The following SHISA6 variants were observed in gnomAD, a reference collection of about 807,000 sequenced individuals.
SHISA6 encodes the protein shisa family member 6, also known as protein shisa-6.
SHISA6 carries 22 observed loss-of-function variants against 47.9 expected under a neutral mutation model. The ratio of observed to expected loss-of-function variants is 0.46; its 90% CI spans 0.33 to 0.66. The LOEUF (loss-of-function observed/expected upper bound fraction) is 0.66. Ranked by LOEUF, SHISA6 falls within the 30% of genes least tolerant of loss-of-function variation. The pLI is 0.02. For missense variants in SHISA6, 680 were observed against 764.6 expected, an observed-to-expected ratio of 0.89 and a Z score of 1.30; for synonymous variants, 388 against 337.8, an observed-to-expected ratio of 1.15 and a Z score of -1.63.
intron 3 of SHISA6, among the ~76,000 whole-genome samples, chr17:11,470,978 G>C (rs1037048369): frequency 6.6e-6 from 1 of 152,136 alleles, no homozygotes; most frequent in African/African-American, 2.4e-5. Context: ...GGGAGGCTGA[G>C]GCAGGTGGAT....
intron 3 of SHISA6, among the ~76,000 whole-genome samples, chr17:11,508,537 GCCCCTCCCCTCCTCT>G (rs1567624847): frequency 1.5e-5 from 2 of 132,486 alleles, no homozygotes; most frequent in Non-Finnish European, 3.2e-5. Context: ...GGTTGAATCA[GCCCCTCCCCTCCTCT>G]CCCCTCCCCT....
intron 3 of SHISA6, among the ~76,000 whole-genome samples, chr17:11,539,431 T>TCCAAACACACACATAA (rs1412979456): frequency 3.0e-4 from 45 of 152,180 alleles, no homozygotes; most frequent in Non-Finnish European, 5.0e-4. Flanking sequence ...TACTGCCCAC[T>TCCAAACACACACATAA]CCAAACACAC....
chr17:11,340,346 C>G (rs1379815552), intron 2 of SHISA6, among the ~76,000 whole-genome samples: 1 of 152,206 alleles, frequency 6.6e-6, no homozygotes, highest in Non-Finnish European at 1.5e-5. Context: ...TTGCATTTAG[C>G]TGTGGGGACA....
chr17:11,423,235 G>GTATA (rs1255716487), intron 3 of SHISA6, among the ~76,000 whole-genome samples: 2 of 138,854 alleles, frequency 1.4e-5, no homozygotes, highest in African/African-American at 5.9e-5. Flanking sequence ...GTGTGTGTGT[G>GTATA]TGTGTATATA....
chr17:11,272,656 C>G (rs1194995014), intron 2 of SHISA6, among the ~76,000 whole-genome samples: 2 of 152,184 alleles, frequency 1.3e-5, no homozygotes, highest in Non-Finnish European at 2.9e-5. Context: ...GCATAGCTCA[C>G]CTGACAATCT....
At chr17:11,259,274 A>G (rs1908137313) in intron 1 of SHISA6, among the ~76,000 whole-genome samples, 1 of 152,194 alleles carries the variant, frequency 6.6e-6, no homozygotes, top group African/African-American at 2.4e-5. Flanking sequence ...AGCACTTACT[A>G]GCTGTGTGAC....
chr17:11,359,933 A>G (rs1196233472), intron 2 of SHISA6, among the ~76,000 whole-genome samples: 1 of 152,220 alleles, frequency 6.6e-6, no homozygotes, highest in Admixed American at 6.5e-5. Context: ...CTAGAACCAA[A>G]AATACCATTT....
chr17:11,539,508 CCA>C (rs1335236692), intron 3 of SHISA6, among the ~76,000 whole-genome samples: 3 of 152,210 alleles, frequency 2.0e-5, no homozygotes, highest in Non-Finnish European at 4.4e-5. Flanking sequence ...TGTATTTGTA[CCA>C]CAGAGTCAAC....
At chr17:11,382,928 CTTTTTTTT>C (rs10601084) in intron 3 of SHISA6, among the ~76,000 whole-genome samples, 15 of 70,830 alleles carry the variant, frequency 2.1e-4, no homozygotes, top group East Asian at 1.0e-3. Flanking sequence ...TCCTGTCAGC[CTTTTTTTT>C]TTTTTTTTTT....
intron 2 of SHISA6, 59 bp downstream of exon 2, chr17:11,263,585 T>C: frequency 6.5e-7 from 1 of 1,540,774 alleles, no homozygotes; most frequent in Non-Finnish European, 8.8e-7. Flanking sequence ...TTTCAGGATG[T>C]TTCTGCTCTG....
intron 2 of SHISA6, among the ~76,000 whole-genome samples, chr17:11,365,344 C>G (rs1362225219): frequency 6.6e-6 from 1 of 152,106 alleles, no homozygotes; most frequent in Non-Finnish European, 1.5e-5. Context: ...GTGGCACAAT[C>G]TTGGCTCACT....
chr17:11,406,243 A>G (rs774852270), intron 3 of SHISA6, among the ~76,000 whole-genome samples: 3 of 152,090 alleles, frequency 2.0e-5, no homozygotes, highest in Non-Finnish European at 2.9e-5. Context: ...CATCCCCTCT[A>G]TCTTCCACTT....
At chr17:11,462,323 A>G (rs570949929) in intron 3 of SHISA6, among the ~76,000 whole-genome samples, 1 of 152,306 alleles carries the variant, frequency 6.6e-6, no homozygotes, top group African/African-American at 2.4e-5. Flanking sequence ...TTTCTCCCCA[A>G]GGTGGGCAAA....
intron 5 of SHISA6, among the ~76,000 whole-genome samples, chr17:11,556,665 C>T (rs1207887133): frequency 1.3e-5 from 2 of 152,114 alleles, no homozygotes; most frequent in African/African-American, 4.8e-5. Flanking sequence ...CAGCCACCTC[C>T]ATGGTGAAAC....
chr17:11,241,626 G>A lies in SHISA6; in HGVS notation c.204G>A (p.Pro68=), dbSNP rs1907335472. Residue 68 remains proline, a synonymous_variant, in exon 1 of 6, where the codon CCG becomes CCA. Transcript: ENST00000441885. The surrounding 1 kb of genome is among the most constrained non-coding windows in gnomAD (Gnocchi z 5.5). The stretch of plus-strand genomic sequence containing the variant: ...GCACCGCCCGGGCGCCCGGAATCCC[G>A]GAGGCGGGAAGCCGGCGGGGGCAGC... ...LNGTARAPGI[P]EAGSRRGQPA... 7 of 1,336,794 alleles carry A rather than the reference G, an allele frequency of 5.2e-6. No individual in the cohort carries two copies. The African/African-American group carries it at 7.8e-5, about 15-fold the overall frequency. The allele number at this position is 1,336,794 out of a possible 1,614,324, so 82.8% of individuals were successfully genotyped here. A position where few individuals can be genotyped will look rare whatever the true frequency, so the allele number is the denominator to read the frequency against.
At chr17:11,315,913 A>AT (rs1432902212) in intron 2 of SHISA6, among the ~76,000 whole-genome samples, 2 of 152,160 alleles carry the variant, frequency 1.3e-5, no homozygotes, top group Non-Finnish European at 2.9e-5. Context: ...AAATCACTGA[A>AT]TTTTTTGTTA....
intron 3 of SHISA6, among the ~76,000 whole-genome samples, chr17:11,484,171 T>C (rs183653502): frequency 6.6e-6 from 1 of 152,256 alleles, no homozygotes; most frequent in Admixed American, 6.5e-5. Context: ...AGGATACAAT[T>C]AAATAAATTC....
At chr17:11,372,564 C>CTT (rs959182330) in intron 2 of SHISA6, among the ~76,000 whole-genome samples, 1 of 147,782 alleles carries the variant, frequency 6.8e-6, no homozygotes, top group Non-Finnish European at 1.5e-5. Flanking sequence ...TATTGCTTTT[C>CTT]TTTTTTTTTC....
chr17:11,266,452 A>G (rs1470208273), intron 2 of SHISA6, among the ~76,000 whole-genome samples: 2 of 152,228 alleles, frequency 1.3e-5, no homozygotes, highest in African/African-American at 2.4e-5. Flanking sequence ...TTTGAGAAGC[A>G]CTGGGAAAGC....
Sources: allele counts gnomAD v4.1 joint callset (sites outside exome capture counted in the v4.1 genomes callset), GRCh38; gene constraint gnomAD v4.1.1; non-coding constraint Gnocchi (gnomAD v3.1); transcripts MANE v1.5; gene names NCBI Gene and HGNC (gene_info 2026-07-23, HGNC 2026-07-21).